The following OPCML variants were observed in gnomAD, a reference collection of about 807,000 sequenced individuals.
The protein encoded by OPCML is opioid binding protein/cell adhesion molecule like, also known as opioid-binding protein/cell adhesion molecule.
In OPCML, 13 loss-of-function variants were observed where a neutral mutation model predicts 37.8. That is an observed-to-expected ratio of 0.34 (90% confidence interval 0.22 to 0.55). The LOEUF is 0.55. OPCML is among the 20% of genes least tolerant of loss of function. The pLI, the probability that OPCML is intolerant of heterozygous loss-of-function variation, is 0.91. For missense variants in OPCML, 341 were observed against 435.6 expected (o/e 0.78, Z 1.93); for synonymous variants, 176 against 168.8 (o/e 1.04, Z -0.33).
chr11:133,272,331 T>A (rs182210987), intron 1 of OPCML, among the ~76,000 whole-genome samples: 6 of 151,046 alleles, frequency 4.0e-5, no homozygotes, highest in Admixed American at 2.6e-4. Context: ...CAGCCCAGAA[T>A]ATCATGCAAA....
chr11:132,593,585 C>T (rs1022348081), intron 3 of OPCML, among the ~76,000 whole-genome samples: 1 of 152,074 alleles, frequency 6.6e-6, no homozygotes, highest in African/African-American at 2.4e-5. Context: ...AGAAAAAGGC[C>T]AGCCAGCAGA....
chr11:133,153,236 G>A (rs1950012280), intron 1 of OPCML, among the ~76,000 whole-genome samples: 1 of 152,210 alleles, frequency 6.6e-6, no homozygotes, highest in Non-Finnish European at 1.5e-5. Context: ...GTTCTCGGAA[G>A]ATGGGGGAGG....
At position 132,927,182 on chromosome 11, in the gene OPCML, A is replaced by T. The variant is rs562655907; in HGVS notation, c.146+15744T>A. Reference sequence around the variant, plus strand: ...TCCAAAGTTGAAGAAAGAAATGGACATATACATATAAGAAGCTCAATGAAC... The same window carrying T: ...TCCAAAGTTGAAGAAAGAAATGGACTTATACATATAAGAAGCTCAATGAAC... On this transcript the variant is annotated intron_variant, in intron 2 of 7. Transcript: ENST00000524381. Among the ~76,000 whole-genome samples, 690 of 152,288 alleles carry T rather than the reference A, an allele frequency of 4.5e-3. 3 individuals carry two copies. Among genetic ancestry groups the T allele is most frequent in the Non-Finnish European group, 5.4e-3 (364 of 67,996 alleles).
chr11:133,058,986 T>C (rs537211288), intron 1 of OPCML, among the ~76,000 whole-genome samples: 274 of 152,320 alleles, frequency 1.8e-3, no homozygotes, highest in African/African-American at 6.2e-3. Context: ...CCAGGGAAAC[T>C]TTGCTCTAAG....
chr11:133,464,516 C>T (rs970720369), intron 1 of OPCML, among the ~76,000 whole-genome samples: 3 of 152,118 alleles, frequency 2.0e-5, no homozygotes, highest in Non-Finnish European at 4.4e-5. Flanking sequence ...TGGAATGCTG[C>T]CCTTCAGCTG....
intron 7 of OPCML, among the ~76,000 whole-genome samples, chr11:132,435,547 C>A (rs11223069): frequency 0.12 from 18,083 of 152,050 alleles, 1,317 homozygotes; most frequent in Non-Finnish European, 0.16. Context: ...GGCTCCCAAG[C>A]CTTCTCCACC....
intron 2 of OPCML, among the ~76,000 whole-genome samples, chr11:132,870,741 G>C (rs1189280540): frequency 6.6e-6 from 1 of 152,268 alleles, no homozygotes; most frequent in African/African-American, 2.4e-5. Flanking sequence ...AGGAAATCCT[G>C]TCATTTGGAG....
chr11:132,733,674 G>A (rs1945159810), intron 2 of OPCML, among the ~76,000 whole-genome samples: 1 of 152,146 alleles, frequency 6.6e-6, no homozygotes, highest in Non-Finnish European at 1.5e-5. Context: ...AGTAACCTGG[G>A]TATGAAACAA....
intron 2 of OPCML, among the ~76,000 whole-genome samples, chr11:132,847,793 A>G (rs1941618262): frequency 6.6e-6 from 1 of 152,122 alleles, no homozygotes. Context: ...TGTTGGTGCT[A>G]CTTCTTTTCT....
chr11:132,726,769 A>T (rs987712476), intron 2 of OPCML, among the ~76,000 whole-genome samples: 1 of 152,142 alleles, frequency 6.6e-6, no homozygotes, highest in Non-Finnish European at 1.5e-5. Flanking sequence ...CTGCGTTAAA[A>T]AACTGCAAGG....
At chr11:133,179,085 C>A (rs1235171274) in intron 1 of OPCML, among the ~76,000 whole-genome samples, 4 of 152,080 alleles carry the variant, frequency 2.6e-5, no homozygotes, top group Non-Finnish European at 5.9e-5. Context: ...GGCTAGAGAC[C>A]CCTCTGGCCC....
chr11:133,477,724 CAA>C (rs751560907), intron 1 of OPCML, among the ~76,000 whole-genome samples: 6 of 152,148 alleles, frequency 3.9e-5, no homozygotes, highest in African/African-American at 1.2e-4. Context: ...GAAGATCCTT[CAA>C]GAGAGAGGAA....
chr11:132,965,714 GTA>G (rs1396689407), intron 1 of OPCML, among the ~76,000 whole-genome samples: 1 of 152,098 alleles, frequency 6.6e-6, no homozygotes, highest in Non-Finnish European at 1.5e-5. Flanking sequence ...TGTCTTTTTA[GTA>G]GAGAGGGGGT....
chr11:133,300,679 G>A (rs574200124), intron 1 of OPCML: 1 of 152,186 alleles, frequency 6.6e-6, no homozygotes. Flanking sequence ...ATGAGGAGAA[G>A]GGGTCTTTGC....
intron 1 of OPCML, among the ~76,000 whole-genome samples, chr11:133,390,448 A>G (rs6590693): frequency 0.47 from 71,088 of 151,578 alleles, 19,348 homozygotes; most frequent in African/African-American, 0.77. Context: ...GGGTGACAGA[A>G]CAAGACTCCA....
intron 2 of OPCML, among the ~76,000 whole-genome samples, chr11:132,673,530 T>C (rs1271294267): frequency 1.3e-5 from 2 of 152,112 alleles, no homozygotes; most frequent in African/African-American, 4.8e-5. Context: ...GCTCATCAAC[T>C]GCACCCAGGT....
At chr11:132,810,012 G>A (rs1201455679) in intron 2 of OPCML, among the ~76,000 whole-genome samples, 1 of 151,988 alleles carries the variant, frequency 6.6e-6, no homozygotes, top group Non-Finnish European at 1.5e-5. Context: ...ACCACGCCCG[G>A]CTAATTTTTT....
intron 3 of OPCML, among the ~76,000 whole-genome samples, chr11:132,596,261 C>T (rs1421746124): frequency 1.3e-5 from 2 of 152,106 alleles, no homozygotes; most frequent in African/African-American, 4.8e-5. Context: ...GGACAAAGTA[C>T]CAATTGCAAA....
chr11:133,086,429 G>C (rs1350306025), intron 1 of OPCML, among the ~76,000 whole-genome samples: 1 of 152,052 alleles, frequency 6.6e-6, no homozygotes, highest in African/African-American at 2.4e-5. Context: ...AGGAAATGCA[G>C]ATAAGTTCAA....
Sources: gnomAD v4.1 joint callset for allele counts (sites outside exome capture counted in the v4.1 genomes callset) on GRCh38, gnomAD v4.1.1 for gene constraint, MANE v1.5 for transcripts, NCBI Gene and HGNC (gene_info 2026-07-23, HGNC 2026-07-21) for gene names.